Variants in HDAC4 observed in about 807,000 individuals in gnomAD.
HDAC4 encodes the protein histone deacetylase A.
Under a neutral mutation model 135.1 loss-of-function variants are expected in HDAC4, and 16 were observed. That is an observed-to-expected ratio of 0.12 (90% CI 0.08 to 0.18). HDAC4 has a LOEUF of 0.18. HDAC4 is among the 10% of genes least tolerant of loss of function. The pLI is 1.00. For missense variants in HDAC4, 1,143 were observed against 1,511.8 expected, an observed-to-expected ratio of 0.76 and a Z score of 4.05; for synonymous variants, 685 against 653.4, an observed-to-expected ratio of 1.05 and a Z score of -0.74.
rs1008340142 is a variant in HDAC4, at chr2:239,349,227, C to T, written c.22+3451G>A. Among the ~76,000 whole-genome samples the T allele has an allele frequency of 2.2e-4, 34 of 152,184 alleles. No homozygotes were observed. Among genetic ancestry groups the T allele is most frequent in the African/African-American group, 2.9e-4 (12 of 41,540 alleles). Reference sequence around the variant, plus strand: ...AAGGACAGGGCCAGCTAGCAGAGGACGGCACGAGAGACACACGGAGGGAGG... The same window carrying T: ...AAGGACAGGGCCAGCTAGCAGAGGATGGCACGAGAGACACACGGAGGGAGG... On this transcript the variant is annotated intron_variant, in intron 2 of 26. Transcript: ENST00000543185. The surrounding 1 kb of genome is among the most constrained non-coding windows in gnomAD (Gnocchi z 5.7).
At chr2:239,339,639 C>T (rs1272037852) in intron 2 of HDAC4, among the ~76,000 whole-genome samples, 1 of 152,192 alleles carries the variant, frequency 6.6e-6, no homozygotes, top group Admixed American at 6.5e-5. Flanking sequence ...AGAATCTTCC[C>T]AGAGAACCAC....
chr2:239,088,672 C>A (rs1366543779), intron 18 of HDAC4, among the ~76,000 whole-genome samples: 1 of 152,154 alleles, frequency 6.6e-6, no homozygotes, highest in Non-Finnish European at 1.5e-5. Context: ...CTCGATGAAG[C>A]AGTATTCAGA....
intron 2 of HDAC4, among the ~76,000 whole-genome samples, chr2:239,348,720 G>T (rs562085393): frequency 6.6e-6 from 1 of 152,326 alleles, no homozygotes; most frequent in East Asian, 1.9e-4. Flanking sequence ...AGGGCTGGCC[G>T]GGCAAGGGGC....
intron 2 of HDAC4, among the ~76,000 whole-genome samples, chr2:239,249,205 G>A (rs1463517007): frequency 2.0e-5 from 3 of 152,158 alleles, no homozygotes; most frequent in Non-Finnish European, 4.4e-5. Flanking sequence ...AGGGGAACAA[G>A]CCTGGGGGTT....
chr2:239,353,230 G>A (rs1307940942), intron 1 of HDAC4, among the ~76,000 whole-genome samples: 2 of 152,136 alleles, frequency 1.3e-5, no homozygotes, highest in African/African-American at 4.8e-5. Context: ...GCCCAGGCTG[G>A]TCTCAAACTC....
At chr2:239,100,934 C>T (rs979629908) in intron 16 of HDAC4, among the ~76,000 whole-genome samples, 2 of 152,154 alleles carry the variant, frequency 1.3e-5, no homozygotes, top group African/African-American at 4.8e-5. Flanking sequence ...CAGCAGCAGG[C>T]GAAGCCGCTG....
intron 2 of HDAC4, among the ~76,000 whole-genome samples, chr2:239,273,399 C>T (rs1260141252): frequency 6.6e-6 from 1 of 152,236 alleles, no homozygotes; most frequent in Admixed American, 6.5e-5. Flanking sequence ...AAGCAACGAG[C>T]TCATTCCTCT....
intron 2 of HDAC4, among the ~76,000 whole-genome samples, chr2:239,246,854 G>A (rs993546655): frequency 1.3e-5 from 2 of 152,252 alleles, no homozygotes; most frequent in African/African-American, 4.8e-5. Flanking sequence ...CTGAGAGGAT[G>A]TCCACTGCCC....
chr2:239,125,939 T>C (rs1289679967), intron 12 of HDAC4, among the ~76,000 whole-genome samples: 1 of 152,268 alleles, frequency 6.6e-6, no homozygotes, highest in East Asian at 1.9e-4. Context: ...CCCGGCCCTG[T>C]ACGCTGCTTA....
chr2:239,309,052 A>C lies in HDAC4; in HGVS notation c.22+43626T>G, dbSNP rs986326021. 2 of 152,154 alleles carry C rather than the reference A, an allele frequency of 1.3e-5. No homozygotes were observed. Among genetic ancestry groups the C allele is most frequent in the African/African-American group, 4.8e-5 (2 of 41,426 alleles). 9.4% of individuals were successfully genotyped at this position (152,154 alleles called of 1,614,324 possible). A position where few individuals can be genotyped will look rare whatever the true frequency, so the allele number is the denominator to read the frequency against. On this transcript the variant is annotated intron_variant, in intron 2 of 26. Coordinates refer to ENST00000543185, the MANE Select transcript of HDAC4 (RefSeq NM_001378414.1). This position sits in a 1 kb window ranked among gnomAD's most constrained non-coding sequence, Gnocchi z 4.2. ...ACAGAAAATCCCTTACAAGTTTCTTAAAAAAGAGTTAATCGTACTGACTTG... is the reference window on the plus strand; with the variant it reads ...ACAGAAAATCCCTTACAAGTTTCTTCAAAAAGAGTTAATCGTACTGACTTG...
intron 17 of HDAC4, chr2:239,093,842 C>A: frequency 1.4e-6 from 1 of 694,908 alleles, no homozygotes; most frequent in African/African-American, 1.9e-5. Flanking sequence ...CAAATTCAAT[C>A]CTTTTCAAGT....
Position 239,076,658 on chromosome 2 carries a change from T to A in HDAC4, c.2750+4437A>T, listed in dbSNP as rs112997818. ...TGGGCTCAGGGCTGGCACGCCATGC[T>A]TGAGTTTCTGGCTGCCGTTCTGCCC... On this transcript the variant is annotated intron_variant, in intron 22 of 26. Coordinates refer to ENST00000543185, the MANE Select transcript of HDAC4 (RefSeq NM_001378414.1). Among the ~76,000 whole-genome samples, 5 of 152,318 alleles carry A rather than the reference T, an allele frequency of 3.3e-5. 1 individual carries two copies. The highest frequency in any genetic ancestry group is 1.2e-4 in the African/African-American group (5 of 41,566).
At chr2:239,283,230 C>T (rs760690830) in intron 2 of HDAC4, among the ~76,000 whole-genome samples, 19 of 152,188 alleles carry the variant, frequency 1.2e-4, no homozygotes, top group Non-Finnish European at 2.2e-4. Context: ...CAGGGGCTGG[C>T]GAGTCAAGCT....
At chr2:239,269,387 T>C (rs1374709412) in intron 2 of HDAC4, among the ~76,000 whole-genome samples, 1 of 152,058 alleles carries the variant, frequency 6.6e-6, no homozygotes, top group Non-Finnish European at 1.5e-5. Context: ...CTAGCAAATA[T>C]TGTACATTGT....
chr2:239,199,612 A>G (rs2045628868), intron 3 of HDAC4, among the ~76,000 whole-genome samples: 1 of 152,166 alleles, frequency 6.6e-6, no homozygotes, highest in Non-Finnish European at 1.5e-5. Flanking sequence ...GAATGCTCAC[A>G]GTCCTGTCCT....
chr2:239,100,664 C>T (rs888967128), intron 16 of HDAC4, among the ~76,000 whole-genome samples: 5 of 152,270 alleles, frequency 3.3e-5, no homozygotes, highest in East Asian at 1.9e-4. Flanking sequence ...GGTGATTAGC[C>T]GTGAGTGCCA....
At chr2:239,243,338 G>A (rs959876844) in intron 2 of HDAC4, among the ~76,000 whole-genome samples, 1 of 152,066 alleles carries the variant, frequency 6.6e-6, no homozygotes, top group African/African-American at 2.4e-5. Flanking sequence ...ATTTTTAGTA[G>A]AGACGGGGTT....
rs368303429 is a variant in HDAC4, at chr2:239,306,540, C to T, written c.22+46138G>A. Among the ~76,000 whole-genome samples the T allele has an allele frequency of 1.6e-4, 25 of 152,142 alleles. No individual in the cohort carries two copies. The highest frequency in any genetic ancestry group is 3.9e-4 in the East Asian group (2 of 5,174). ...CATCTGGGCCCCGACACACTTGTTT[C>T]GTACCTTTCCCGGTCATGATACAAA... On this transcript the variant is annotated intron_variant, in intron 2 of 26. Coordinates refer to ENST00000543185, the MANE Select transcript of HDAC4 (RefSeq NM_001378414.1). This position sits in a 1 kb window ranked among gnomAD's most constrained non-coding sequence, Gnocchi z 4.5.
chr2:239,105,938 C>A (rs1024955635), intron 15 of HDAC4, among the ~76,000 whole-genome samples: 3 of 152,198 alleles, frequency 2.0e-5, no homozygotes, highest in Admixed American at 1.3e-4. Flanking sequence ...TGGAGGGGCA[C>A]CCGCACTGGA....
Sources: gnomAD v4.1 joint callset for allele counts (sites outside exome capture counted in the v4.1 genomes callset) on GRCh38, gnomAD v4.1.1 for gene constraint, Gnocchi (gnomAD v3.1) non-coding constraint, MANE v1.5 for transcripts, NCBI Gene and HGNC (gene_info 2026-07-23, HGNC 2026-07-21) for gene names.